ZDHHC2: variants seen among roughly 807,000 people sequenced by gnomAD.
The protein encoded by ZDHHC2 is palmitoyltransferase ZDHHC2.
Under a neutral mutation model 55.6 loss-of-function variants are expected in ZDHHC2, and 51 were observed. The ratio of observed to expected loss-of-function variants is 0.92; its 90% CI spans 0.73 to 1.16. The LOEUF (loss-of-function observed/expected upper bound fraction) is 1.16. Among genes scored for constraint, ZDHHC2 ranks in the 50% most tolerant of loss-of-function variants. ZDHHC2 has a pLI of 0.00. For missense variants in ZDHHC2, 491 were observed against 442.4 expected, an observed-to-expected ratio of 1.11 and a Z score of -0.99; for synonymous variants, 199 against 152.9, an observed-to-expected ratio of 1.30 and a Z score of -2.22.
intron 11 of ZDHHC2, 141 bp from the exon 12 acceptor site, chr8:17,217,031 C>T (rs1585746366): frequency 1.4e-6 from 1 of 696,302 alleles, no homozygotes; most frequent in Non-Finnish European, 2.4e-6. Flanking sequence ...GTTTCTATAT[C>T]ACCATCTTAT....
intron 7 of ZDHHC2, among the ~76,000 whole-genome samples, chr8:17,206,411 G>C (rs1165479144): frequency 6.6e-6 from 1 of 152,120 alleles, no homozygotes; most frequent in African/African-American, 2.4e-5. Context: ...TGTGACCAGA[G>C]GTTCATAGAA....
chr8:17,199,841 C>G (rs2959624), intron 6 of ZDHHC2, among the ~76,000 whole-genome samples: 2,256 of 150,644 alleles, frequency 0.015, 30 homozygotes, highest in Non-Finnish European at 0.022. Flanking sequence ...CTCACTGCAA[C>G]CTCTGCCTCC....
At chr8:17,184,269 C>T (rs2150905695) in intron 1 of ZDHHC2, among the ~76,000 whole-genome samples, 1 of 152,296 alleles carries the variant, frequency 6.6e-6, no homozygotes, top group East Asian at 1.9e-4. Context: ...ACTGCCTGGC[C>T]TTTCGTTGTG....
At chr8:17,198,214 A>G (rs1284780185) in intron 5 of ZDHHC2, among the ~76,000 whole-genome samples, 167 bp from the exon 6 acceptor site, 4 of 152,156 alleles carry the variant, frequency 2.6e-5, no homozygotes, top group Non-Finnish European at 5.9e-5. Context: ...TATAGGGTTT[A>G]TTTTAGATGA....
At chr8:17,200,048 C>A (rs369417819) in intron 6 of ZDHHC2, among the ~76,000 whole-genome samples, 1 of 152,198 alleles carries the variant, frequency 6.6e-6, no homozygotes, top group South Asian at 2.1e-4. Flanking sequence ...AGCCACCATG[C>A]CTGGCCAACG....
At chr8:17,159,355 G>A (rs1804217448) in intron 1 of ZDHHC2, among the ~76,000 whole-genome samples, 1 of 152,160 alleles carries the variant, frequency 6.6e-6, no homozygotes, top group Admixed American at 6.6e-5. Flanking sequence ...GGGGGTCGAG[G>A]GCTGGGAACT....
intron 3 of ZDHHC2, among the ~76,000 whole-genome samples, chr8:17,194,326 CA>C (rs936663583): frequency 1.1e-4 from 16 of 144,564 alleles, no homozygotes; most frequent in Admixed American, 2.7e-4. Context: ...TGTATATATA[CA>C]AAATATATAA....
intron 6 of ZDHHC2, among the ~76,000 whole-genome samples, chr8:17,198,747 A>G (rs940587568): frequency 2.6e-5 from 4 of 152,254 alleles, no homozygotes; most frequent in African/African-American, 9.6e-5. Context: ...TAAATTATAC[A>G]TAGTACCTCA....
Position 17,199,539 on chromosome 8 carries a change from C to CGTCTTCGTCTTCGTCTTCT in ZDHHC2, c.476+1132_476+1133insGTCTTCGTCTTCTGTCTTC, listed in dbSNP as rs1563161263. Among the ~76,000 whole-genome samples the CGTCTTCGTCTTCGTCTTCT allele has an allele frequency of 1.0e-4, 7 of 68,026 alleles. 1 individual carries two copies. The highest frequency in any genetic ancestry group is 6.8e-4 in the East Asian group (2 of 2,952). 44.6% of individuals were successfully genotyped at this position (68,026 alleles called of 152,430 possible). A position where few individuals can be genotyped will look rare whatever the true frequency, so the allele number is the denominator to read the frequency against. ...CGTCTTCGTCTTCGTCTTCTGTCTT[C>CGTCTTCGTCTTCGTCTTCT]GTCTTCTGTCTTCGTCTTCGTCTTC... On this transcript the variant is annotated intron_variant, in intron 6 of 12. Transcript: ENST00000262096.
intron 12 of ZDHHC2, among the ~76,000 whole-genome samples, chr8:17,219,586 G>A (rs765855949): frequency 4.6e-5 from 7 of 151,862 alleles, no homozygotes; most frequent in Non-Finnish European, 8.8e-5. Context: ...GTGAAACCCC[G>A]TCTCTACCAA....
chr8:17,169,120 G>T (rs989200354), intron 1 of ZDHHC2, among the ~76,000 whole-genome samples: 6 of 152,110 alleles, frequency 3.9e-5, no homozygotes, highest in African/African-American at 1.4e-4. Flanking sequence ...TCTGGAGCAG[G>T]TGATTTTTGA....
chr8:17,159,922 T>C (rs1804251833), intron 1 of ZDHHC2, among the ~76,000 whole-genome samples: 1 of 152,174 alleles, frequency 6.6e-6, no homozygotes, highest in South Asian at 2.1e-4. Flanking sequence ...TCCTGGCTTC[T>C]TTTGTGTTTT....
Position 17,220,730 on chromosome 8 carries a change from A to C in ZDHHC2, c.*509A>C, listed in dbSNP as rs1283612817. 6.6e-6 allele frequency: 1 copy of C among 152,160 alleles called. No individual in the cohort carries two copies. The highest frequency in any genetic ancestry group is 1.5e-5 in the Non-Finnish European group (1 of 68,018). The allele number at this position is 152,160 out of a possible 1,614,324, so 9.4% of individuals were successfully genotyped here. A position where few individuals can be genotyped will look rare whatever the true frequency, so the allele number is the denominator to read the frequency against. ...TACTTCTTTTTTTTCCTCTGATGTG[A>C]ATCCAGCCTCAGACTGAGTGAACTG... is the stretch of plus-strand genomic sequence containing the variant. On this transcript the variant is annotated 3_prime_UTR_variant, in exon 13 of 13. Coordinates refer to ENST00000262096, the MANE Select transcript of ZDHHC2 (RefSeq NM_016353.5).
At chr8:17,184,264 C>G (rs1018528097) in intron 1 of ZDHHC2, among the ~76,000 whole-genome samples, 2 of 152,194 alleles carry the variant, frequency 1.3e-5, no homozygotes, top group Non-Finnish European at 2.9e-5. Flanking sequence ...CCAGCACTGC[C>G]TGGCCTTTCG....
In ZDHHC2 at chr8:17,198,439, G is replaced by A. The variant is rs776766875; in HGVS notation, c.476+26G>A. On this transcript the variant is annotated intron_variant, in intron 6 of 12. Transcript: ENST00000262096. The stretch of plus-strand genomic sequence containing the variant: ...GTGAGTTGGCTGTATATTTAAACAA[G>A]TTTGTGTCCCTTGTAAATGTTAATA... 11 of 1,579,512 alleles carry A rather than the reference G, an allele frequency of 7.0e-6. 1 individual carries two copies. The South Asian group carries it at 9.6e-5, about 14-fold the overall frequency.
At chr8:17,211,759 A>G (rs903214907) in intron 10 of ZDHHC2, among the ~76,000 whole-genome samples, 1 of 152,166 alleles carries the variant, frequency 6.6e-6, no homozygotes, top group African/African-American at 2.4e-5. Context: ...CCCAGTGTAT[A>G]TATTTCACAG....
chr8:17,204,008 A>T (rs1357086005), intron 6 of ZDHHC2, among the ~76,000 whole-genome samples: 2 of 151,754 alleles, frequency 1.3e-5, no homozygotes, highest in Non-Finnish European at 2.9e-5. Context: ...GGGTTTCACC[A>T]TGTTGGCCAG....
chr8:17,210,316 T>C, intron 9 of ZDHHC2, 72 bp from the exon 10 acceptor site: 5 of 1,460,946 alleles, frequency 3.4e-6, no homozygotes, highest in Non-Finnish European at 4.7e-6. Flanking sequence ...CTCTCGGACA[T>C]CAGCATTTTG....
intron 1 of ZDHHC2, among the ~76,000 whole-genome samples, chr8:17,183,781 C>T (rs1022410966): frequency 6.6e-6 from 1 of 152,104 alleles, no homozygotes; most frequent in African/African-American, 2.4e-5. Flanking sequence ...TTTTCTTATT[C>T]TTAGGGCAAT....
Sources: gnomAD v4.1 joint callset for allele counts (sites outside exome capture counted in the v4.1 genomes callset) on GRCh38, gnomAD v4.1.1 for gene constraint, MANE v1.5 for transcripts, NCBI Gene and HGNC (gene_info 2026-07-23, HGNC 2026-07-21) for gene names.